Variants in SSBP2 observed in about 807,000 individuals in gnomAD.
The protein encoded by SSBP2 is single-stranded DNA-binding protein 2.
SSBP2 carries 17 observed loss-of-function variants against 61.8 expected under a neutral mutation model. The ratio of observed to expected loss-of-function variants is 0.28; its 90% confidence interval spans 0.19 to 0.41. The LOEUF (loss-of-function observed/expected upper bound fraction) is 0.41, where lower values mean the gene tolerates loss of function less well. SSBP2 is among the 10% of genes least tolerant of loss of function. The pLI, the probability that SSBP2 is intolerant of heterozygous loss-of-function variation, is 1.00. For synonymous variants in SSBP2, 139 were observed against 141.3 expected, an observed-to-expected ratio of 0.98 and a Z score of 0.12; for missense variants, 310 against 458.7, an observed-to-expected ratio of 0.68 and a Z score of 2.96.
chr5:81,438,911 G>T (rs898003641), intron 14 of SSBP2, among the ~76,000 whole-genome samples: 3 of 152,188 alleles, frequency 2.0e-5, no homozygotes, highest in Non-Finnish European at 4.4e-5. Context: ...TGGCTGCTGT[G>T]TACCTGACAT....
At chr5:81,480,041 T>C (rs1765870293) in intron 6 of SSBP2, among the ~76,000 whole-genome samples, 1 of 152,210 alleles carries the variant, frequency 6.6e-6, no homozygotes, top group African/African-American at 2.4e-5. Flanking sequence ...TATTCACAAG[T>C]AGCAGTGTCA....
chr5:81,667,295 AC>A (rs1751223151), intron 1 of SSBP2, among the ~76,000 whole-genome samples: 1 of 134,788 alleles, frequency 7.4e-6, no homozygotes, highest in Non-Finnish European at 1.5e-5. Context: ...ATACACACAC[AC>A]ACACACACAC....
intron 15 of SSBP2, among the ~76,000 whole-genome samples, chr5:81,434,730 G>C (rs1047442727): frequency 1.3e-5 from 2 of 150,744 alleles, no homozygotes; most frequent in Admixed American, 1.3e-4. Context: ...AAAAAAACAG[G>C]ATGGAAATGA....
intron 5 of SSBP2, 38 bp from the exon 6 acceptor site, chr5:81,489,347 A>C: frequency 6.5e-7 from 1 of 1,539,456 alleles, no homozygotes; most frequent in South Asian, 1.2e-5. Context: ...AAAACAAAAA[A>C]CAGTACAATG....
At chr5:81,554,048 T>TCCATTAATTTTAAAAAAAGAGAGTGACTG in intron 4 of SSBP2, among the ~76,000 whole-genome samples, 1 of 152,082 alleles carries the variant, frequency 6.6e-6, no homozygotes, top group African/African-American at 2.4e-5. Flanking sequence ...AAATGAGAAA[T>TCCATTAATTTTAAAAAAAGAGAGTGACTG]CCATTAATTT....
At position 81,512,143 on chromosome 5, in the gene SSBP2, A is replaced by T. The variant is rs1366823862; in HGVS notation, c.372+1485T>A. Among the ~76,000 whole-genome samples the T allele has an allele frequency of 2.0e-5, 3 of 152,196 alleles. No individual in the cohort carries two copies. In the East Asian group the frequency reaches 5.8e-4, roughly 29 times the overall value. On this transcript the variant is annotated intron_variant, in intron 5 of 16. Transcript: ENST00000320672. ...CTCCTACCCATCTTTGGTAAGAGAA[A>T]GAAGGGAATGAGGAAAAAATAAAAT...
chr5:81,422,707 A>C (rs184691155), intron 16 of SSBP2, among the ~76,000 whole-genome samples: 13 of 152,292 alleles, frequency 8.5e-5, no homozygotes, highest in African/African-American at 2.6e-4. Context: ...ACAAGAAAGG[A>C]GATTCAGTTT....
At chr5:81,644,031 G>A (rs1749052262) in intron 2 of SSBP2, among the ~76,000 whole-genome samples, 1 of 152,106 alleles carries the variant, frequency 6.6e-6, no homozygotes, top group East Asian at 1.9e-4. Flanking sequence ...AGTCACGTGT[G>A]GCTATTTCAG....
chr5:81,739,897 G>A (rs1401401856), intron 1 of SSBP2, among the ~76,000 whole-genome samples: 1 of 151,930 alleles, frequency 6.6e-6, no homozygotes, highest in East Asian at 1.9e-4. Flanking sequence ...ATTCTGCTGG[G>A]GACCTAATAC....
intron 9 of SSBP2, among the ~76,000 whole-genome samples, chr5:81,465,348 A>G (rs953008194): frequency 6.6e-6 from 1 of 152,052 alleles, no homozygotes; most frequent in Admixed American, 6.6e-5. Context: ...AATTTCAGCC[A>G]TATTTTTAGT....
rs566278037 is a variant in SSBP2 at position 81,419,223 on chromosome 5, G to A, written c.*1281C>T. 1.3e-5 allele frequency: 2 copies of A among 152,232 alleles called. No homozygotes were observed. The highest frequency in any genetic ancestry group is 3.9e-4 in the East Asian group (2 of 5,184). 9.4% of individuals were successfully genotyped at this position (152,232 alleles called of 1,614,324 possible). ...GTAGTTTTAGCCTGCTGAAGTCAATGGCTAGATAAAGCAAAGTTACTATCA... is the reference window on the plus strand; with the variant it reads ...GTAGTTTTAGCCTGCTGAAGTCAATAGCTAGATAAAGCAAAGTTACTATCA... On this transcript the variant is annotated 3_prime_UTR_variant, in exon 17 of 17. Transcript: ENST00000320672.
intron 6 of SSBP2, 69 bp downstream of exon 6, chr5:81,489,181 G>T: frequency 7.8e-7 from 1 of 1,289,064 alleles, no homozygotes; most frequent in Non-Finnish European, 1.1e-6. Flanking sequence ...TTTACAGGAT[G>T]ATAAATATAT....
chr5:81,465,218 A>G (rs1442453424), intron 9 of SSBP2, among the ~76,000 whole-genome samples: 1 of 152,036 alleles, frequency 6.6e-6, no homozygotes, highest in Non-Finnish European at 1.5e-5. Context: ...GGTTCTTTAC[A>G]AAGAAGATAT....
chr5:81,543,557 C>T (rs1457658722), intron 4 of SSBP2, among the ~76,000 whole-genome samples: 1 of 152,124 alleles, frequency 6.6e-6, no homozygotes, highest in African/African-American at 2.4e-5. Context: ...GGGTACTATG[C>T]TCAGTACCTG....
chr5:81,681,190 A>G (rs981551154), intron 1 of SSBP2, among the ~76,000 whole-genome samples: 2 of 152,180 alleles, frequency 1.3e-5, no homozygotes, highest in Non-Finnish European at 2.9e-5. Context: ...CAAAGAAGAA[A>G]TCTCAAGATA....
chr5:81,527,138 T>C (rs1770003375), intron 4 of SSBP2, among the ~76,000 whole-genome samples: 1 of 151,974 alleles, frequency 6.6e-6, no homozygotes, highest in Non-Finnish European at 1.5e-5. Context: ...TGGCCTGAGA[T>C]GATTTTATCA....
intron 1 of SSBP2, among the ~76,000 whole-genome samples, chr5:81,711,368 T>C (rs1262929250): frequency 1.3e-5 from 2 of 152,130 alleles, no homozygotes; most frequent in African/African-American, 4.8e-5. Flanking sequence ...ATAATTAGTA[T>C]TTGATTTTAT....
At chr5:81,614,945 AT>A (rs1745856150) in intron 4 of SSBP2, 2 of 152,330 alleles carry the variant, frequency 1.3e-5, no homozygotes, top group African/African-American at 4.8e-5. Flanking sequence ...TTACATTTTC[AT>A]TTTTGCACAG....
intron 4 of SSBP2, among the ~76,000 whole-genome samples, chr5:81,573,730 T>A (rs1050452059): frequency 6.6e-6 from 1 of 151,986 alleles, no homozygotes; most frequent in African/African-American, 2.4e-5. Context: ...AATAAAAAAA[T>A]CCAGGGATAT....
Sources: gnomAD v4.1 joint callset for allele counts (sites outside exome capture counted in the v4.1 genomes callset) on GRCh38, gnomAD v4.1.1 for gene constraint, MANE v1.5 for transcripts, NCBI Gene and HGNC (gene_info 2026-07-23, HGNC 2026-07-21) for gene names.